The following ISY1 variants were observed in gnomAD, a reference collection of about 807,000 sequenced individuals.
ISY1 encodes the protein pre-mRNA-splicing factor ISY1 homolog.
In ISY1, 12 loss-of-function variants were observed where a neutral mutation model predicts 54.4. The observed-to-expected ratio is 0.22, with a 90% CI of 0.14 to 0.36. ISY1 has a LOEUF of 0.36. ISY1 is among the 10% of genes least tolerant of loss of function. The pLI is 1.00. For missense variants in ISY1, 282 were observed against 342.2 expected, an observed-to-expected ratio of 0.82 and a Z score of 1.39; for synonymous variants, 96 against 117.9, an observed-to-expected ratio of 0.81 and a Z score of 1.20.
intron 8 of ISY1, 151 bp from the exon 9 acceptor site, chr3:129,134,346 G>A: frequency 1.8e-5 from 25 of 1,411,124 alleles, no homozygotes; most frequent in Non-Finnish European, 2.3e-5. Flanking sequence ...GGAAATGGAT[G>A]TGAAGCATGG....
chr3:129,150,046 T>C (rs1936919447), intron 5 of ISY1, among the ~76,000 whole-genome samples: 3 of 151,960 alleles, frequency 2.0e-5, no homozygotes, highest in Non-Finnish European at 4.4e-5. Context: ...TCTAATTCTG[T>C]TTCTTTGGTC....
chr3:129,145,293 G>T (rs1371282732), intron 6 of ISY1, among the ~76,000 whole-genome samples: 1 of 150,790 alleles, frequency 6.6e-6, no homozygotes, highest in African/African-American at 2.4e-5. Flanking sequence ...GGCGATCTTG[G>T]CTCACTGCAA....
At chr3:129,143,361 C>A (rs1433180754) in intron 6 of ISY1, among the ~76,000 whole-genome samples, 1 of 151,700 alleles carries the variant, frequency 6.6e-6, no homozygotes, top group Admixed American at 6.6e-5. Flanking sequence ...TAAAAATTAG[C>A]CAGGTGTGGT....
At chr3:129,156,312 T>C (rs913228379) in intron 5 of ISY1, among the ~76,000 whole-genome samples, 9 of 146,034 alleles carry the variant, frequency 6.2e-5, no homozygotes, top group South Asian at 4.4e-4. Flanking sequence ...GGCAGGAGAA[T>C]GGCGTGAACC....
intron 9 of ISY1, among the ~76,000 whole-genome samples, chr3:129,133,618 C>T (rs1390235622): frequency 2.6e-5 from 4 of 152,152 alleles, no homozygotes; most frequent in African/African-American, 7.2e-5. Context: ...TGCTTGAACC[C>T]GGAAGGCAGA....
intron 10 of ISY1, 138 bp downstream of exon 10, chr3:129,130,412 C>T: frequency 8.2e-7 from 1 of 1,216,978 alleles, no homozygotes; most frequent in South Asian, 1.6e-5. Context: ...ACCCTGAACA[C>T]AATGACAGGT....
chr3:129,143,042 G>A (rs1420291805), intron 6 of ISY1, among the ~76,000 whole-genome samples: 3 of 151,682 alleles, frequency 2.0e-5, no homozygotes, highest in South Asian at 2.1e-4. Context: ...GTGACAGAGC[G>A]AGACTCCGTC....
At chr3:129,158,420 A>G (rs976716951) in intron 3 of ISY1, 88 bp downstream of exon 3, 1 of 1,581,138 alleles carries the variant, frequency 6.3e-7, no homozygotes, top group African/African-American at 1.3e-5. Flanking sequence ...CAGCCTCCCC[A>G]AGTATTGGGA....
At chr3:129,135,119 C>T (rs12630170) in intron 7 of ISY1, among the ~76,000 whole-genome samples, 165 bp from the exon 8 acceptor site, 67,149 of 152,018 alleles carry the variant, frequency 0.44, 17,239 homozygotes, top group East Asian at 0.57. Flanking sequence ...GAGGCCCAGA[C>T]AGGTGGCTCA....
chr3:129,130,600 C>T lies in ISY1; in HGVS notation c.700G>A (p.Asp234Asn), dbSNP rs763381572. ...TGAGCAATGAACTTCTGCTGGCTGT[C>T]GTCCCCTCCTTTCTCCTGGCTGCCT... ...EEGSQEKGGD[D>N]SQQKFIAHVP... Residue 234 changes from aspartate to asparagine, a missense_variant, in exon 10 of 11, where the codon GAC becomes AAC. Asp to Asn is a conservative substitution (Grantham distance 23). This residue lies in a region of ISY1 where 279 missense variants were observed against 323.6 expected (regional missense o/e 0.86). Coordinates refer to ENST00000393295, the MANE Select transcript of ISY1 (RefSeq NM_020701.4). 5.0e-6 allele frequency: 8 copies of T among 1,614,020 alleles called. No homozygotes were observed. The highest frequency in any genetic ancestry group is 2.7e-5 in the African/African-American group (2 of 74,916).
chr3:129,143,430 C>G (rs1224313464), intron 6 of ISY1, among the ~76,000 whole-genome samples: 1 of 150,330 alleles, frequency 6.7e-6, no homozygotes, highest in Non-Finnish European at 1.5e-5. Flanking sequence ...TGCTTGAACC[C>G]AGGAGGCAGA....
At chr3:129,138,237 C>T (rs1290534810) in intron 7 of ISY1, among the ~76,000 whole-genome samples, 5 of 150,788 alleles carry the variant, frequency 3.3e-5, no homozygotes, top group Non-Finnish European at 5.9e-5. Flanking sequence ...GCCGAGATTG[C>T]GTCACTGTAC....
In ISY1 at chr3:129,134,839, T is replaced by G; in HGVS notation, c.534A>C (p.Glu178Asp). The change falls in exon 8 of 11, where the codon GAA becomes GAC. Residue 178 changes from glutamate to aspartate, a missense_variant. Coordinates refer to ENST00000393295, the MANE Select transcript of ISY1 (RefSeq NM_020701.4). ...GVIVPLEQEYEKKLRAELVEK... is the reference protein window; with the variant it reads ...GVIVPLEQEYDKKLRAELVEK... ...AAATGCCCAGAGACCTACGTTTCTT[T>G]TCATATTCCTGTTCCAAAGGCACAA... 1.2e-6 allele frequency: 2 copies of G among 1,607,520 alleles called. No homozygotes were observed. Among genetic ancestry groups the G allele is most frequent in the Non-Finnish European group, 1.7e-6 (2 of 1,176,002 alleles).
chr3:129,151,932 G>A (rs1356383237), intron 5 of ISY1, among the ~76,000 whole-genome samples: 3 of 152,136 alleles, frequency 2.0e-5, no homozygotes, highest in Non-Finnish European at 4.4e-5. Context: ...GCCAAGGTGG[G>A]TGGATCACCT....
At chr3:129,137,368 C>G (rs879290516) in intron 7 of ISY1, among the ~76,000 whole-genome samples, 2 of 151,944 alleles carry the variant, frequency 1.3e-5, no homozygotes, top group Non-Finnish European at 2.9e-5. Flanking sequence ...CATTTTCTTT[C>G]TAAAACAAAA....
intron 1 of ISY1, 94 bp downstream of exon 1, chr3:129,160,879 C>T: frequency 6.8e-7 from 1 of 1,470,908 alleles, no homozygotes; most frequent in Non-Finnish European, 9.2e-7. Flanking sequence ...CACTGCACGT[C>T]TGAGCCTCTA....
At chr3:129,146,797 C>T (rs1356134577) in intron 5 of ISY1, among the ~76,000 whole-genome samples, 1 of 152,172 alleles carries the variant, frequency 6.6e-6, no homozygotes, top group African/African-American at 2.4e-5. Flanking sequence ...GTGGCTCACG[C>T]CTGTAATCCC....
At chr3:129,154,217 T>C (rs1016229903) in intron 5 of ISY1, among the ~76,000 whole-genome samples, 26 of 130,772 alleles carry the variant, frequency 2.0e-4, no homozygotes, top group African/African-American at 7.2e-4. Flanking sequence ...CACTCCAGCC[T>C]GGGTGACAGA....
At chr3:129,154,592 T>C (rs1248497514) in intron 5 of ISY1, among the ~76,000 whole-genome samples, 2 of 152,088 alleles carry the variant, frequency 1.3e-5, no homozygotes, top group African/African-American at 2.4e-5. Context: ...TTAATGTATA[T>C]AGATTCTATA....
Sources: allele counts gnomAD v4.1 joint callset (sites outside exome capture counted in the v4.1 genomes callset), GRCh38; gene constraint gnomAD v4.1.1; regional missense constraint gnomAD v4.1.1; transcripts MANE v1.5; gene names NCBI Gene and HGNC (gene_info 2026-07-23, HGNC 2026-07-21).